Variants in VASH2 observed in about 807,000 individuals in gnomAD.
VASH2 encodes tubulinyl-Tyr carboxypeptidase 2.
Under a neutral mutation model 37.2 loss-of-function variants are expected in VASH2, and 28 were observed. The ratio of observed to expected loss-of-function variants is 0.75; its 90% confidence interval spans 0.56 to 1.03. The LOEUF (loss-of-function observed/expected upper bound fraction) is 1.03, where lower values mean the gene tolerates loss of function less well. Ranked by LOEUF, VASH2 falls within the 50% of genes least tolerant of loss-of-function variation. The pLI is 0.00. For missense variants in VASH2, 419 were observed against 459.1 expected (o/e 0.91, Z 0.80); for synonymous variants, 188 against 174.7 (o/e 1.08, Z -0.60).
chr1:212,963,575 T>C (rs1338377971), intron 3 of VASH2, among the ~76,000 whole-genome samples: 1 of 151,840 alleles, frequency 6.6e-6, no homozygotes, highest in Non-Finnish European at 1.5e-5. Flanking sequence ...AGAGTACTGG[T>C]GTTGCATGGG....
In VASH2 at chr1:212,989,931, C is replaced by G. The variant is rs958431183; in HGVS notation, c.*1347C>G. The G allele has an allele frequency of 2.0e-5, 3 of 152,094 alleles. No homozygotes were observed. The highest frequency in any genetic ancestry group is 7.2e-5 in the African/African-American group (3 of 41,406). 9.4% of individuals were successfully genotyped at this position (152,094 alleles called of 1,614,324 possible). A position where few individuals can be genotyped will look rare whatever the true frequency, so the allele number is the denominator to read the frequency against. ...ACAGCTTCAATTTCATTTGCTTTAT[C>G]TTAGCAACAATGCCAACTCAGGAGA... On this transcript the variant is annotated 3_prime_UTR_variant, in exon 8 of 8. Transcript: ENST00000517399.
chr1:212,951,762 C>T lies in VASH2; in HGVS notation c.220C>T (p.His74Tyr). ...ERMWMHVAKV[H>Y]PKGGEMVGAI... ...CATGTGGATGCACGTGGCCAAGGTG[C>T]ACCCTAAGGGGGGAGAAATGGTGGG... The change falls in exon 2 of 8, where the codon CAC (histidine) becomes TAC (tyrosine). Residue 74 changes from histidine to tyrosine, a missense_variant. Coordinates refer to ENST00000517399, the MANE Select transcript of VASH2 (RefSeq NM_001301056.2). This position sits in a 1 kb window ranked among gnomAD's most constrained non-coding sequence, Gnocchi z 4.4. 1 of 1,608,820 alleles carries T rather than the reference C, an allele frequency of 6.2e-7. No homozygotes were observed.
At chr1:212,965,358 C>T (rs758683498) in intron 3 of VASH2, among the ~76,000 whole-genome samples, 13 of 152,064 alleles carry the variant, frequency 8.5e-5, no homozygotes, top group Non-Finnish European at 1.8e-4. Context: ...CAAGCCTGGG[C>T]AACATAGCAA....
At chr1:212,973,576 T>A (rs1667075376) in intron 6 of VASH2, 14 of 1,264,602 alleles carry the variant, frequency 1.1e-5, no homozygotes, top group Admixed American at 7.5e-5. Flanking sequence ...GATGGGAGCA[T>A]CAGAGGAAGA....
At chr1:212,988,482 C>T (rs369019637) in intron 7 of VASH2, 30 bp from the exon 8 acceptor site, 242 of 1,611,744 alleles carry the variant, frequency 1.5e-4, no homozygotes, top group Middle Eastern at 4.9e-4. Context: ...ATCCCCTCTC[C>T]TCCACCATAT....
At chr1:212,965,632 C>T in intron 3 of VASH2, 90 bp from the exon 4 acceptor site, 9 of 1,237,154 alleles carry the variant, frequency 7.3e-6, no homozygotes, top group Non-Finnish European at 9.2e-6. Context: ...ATCCTCATCT[C>T]ATTGAGAAAT....
At chr1:212,954,182 G>T (rs1666413369) in intron 2 of VASH2, among the ~76,000 whole-genome samples, 2 of 152,088 alleles carry the variant, frequency 1.3e-5, no homozygotes, top group African/African-American at 4.8e-5. Context: ...CAAAGTGGTG[G>T]GATTACAGGT....
chr1:212,972,736 G>A lies in VASH2; in HGVS notation c.654G>A (p.Lys218=), dbSNP rs1361658685. ...GMSRRAELMD[K]PLTFRTLSDL... ...GCCGCAGGGCTGAGCTGATGGACAA[G>A]CCATTGACTTTTCGGACTCTGAGTG... The change falls in exon 6 of 8, where the codon AAG becomes AAA. Residue 218 remains lysine, a synonymous_variant. Coordinates refer to ENST00000517399, the MANE Select transcript of VASH2 (RefSeq NM_001301056.2). 4 of 1,614,118 alleles carry A rather than the reference G, an allele frequency of 2.5e-6. No homozygotes were observed. Among genetic ancestry groups the A allele is most frequent in the African/African-American group, 1.3e-5 (1 of 74,932 alleles).
intron 7 of VASH2, among the ~76,000 whole-genome samples, chr1:212,976,711 A>G (rs2102650579): frequency 6.6e-6 from 1 of 152,240 alleles, no homozygotes; most frequent in East Asian, 1.9e-4. Context: ...CAGCTGTCAG[A>G]GTGCCGCAGC....
In VASH2 at chr1:212,974,040, C is replaced by T. The variant is rs147347763; in HGVS notation, c.965C>T (p.Pro322Leu). ...SLSPRRRQAS[P>L]PRRLGRREKS... ...TCCCCCAGAAGGAGACAGGCAAGCC[C>T]CCCGAGGAGGCTCGGCCGGCGAGAG... Residue 322 changes from proline to leucine, a missense_variant, in exon 7 of 8, where the codon CCC becomes CTC. Coordinates refer to ENST00000517399, the MANE Select transcript of VASH2 (RefSeq NM_001301056.2). 1.9e-6 allele frequency: 3 copies of T among 1,613,610 alleles called. No individual in the cohort carries two copies. Among genetic ancestry groups the T allele is most frequent in the South Asian group, 1.1e-5 (1 of 91,036 alleles).
intron 7 of VASH2, among the ~76,000 whole-genome samples, chr1:212,986,647 CTTTG>C (rs1342904510): frequency 5.3e-5 from 8 of 152,260 alleles, no homozygotes; most frequent in South Asian, 2.1e-4. Context: ...GTAGCAGTGG[CTTTG>C]TTTAAGGGAA....
At chr1:212,979,805 T>C (rs1667287633) in intron 7 of VASH2, among the ~76,000 whole-genome samples, 1 of 152,186 alleles carries the variant, frequency 6.6e-6, no homozygotes, top group Non-Finnish European at 1.5e-5. Flanking sequence ...AAGCACCTAC[T>C]ACACTGAATT....
At chr1:212,952,712 A>G (rs962564226) in intron 2 of VASH2, 4 of 152,200 alleles carry the variant, frequency 2.6e-5, no homozygotes, top group African/African-American at 9.7e-5. Context: ...AGCGTGGCGG[A>G]TGGTTTCCCC....
intron 7 of VASH2, among the ~76,000 whole-genome samples, chr1:212,979,003 A>G (rs1158341427): frequency 6.6e-6 from 1 of 152,062 alleles, no homozygotes; most frequent in Non-Finnish European, 1.5e-5. Flanking sequence ...AGGGCTGGGG[A>G]AGAGATTGCA....
At chr1:212,973,910 G>A in intron 6 of VASH2, 45 bp from the exon 7 acceptor site, 1 of 1,592,736 alleles carries the variant, frequency 6.3e-7, no homozygotes. Context: ...TGAGGGTGGA[G>A]GTCCCTTAGG....
chr1:212,970,542 T>C (rs1666980110), intron 5 of VASH2, among the ~76,000 whole-genome samples: 1 of 152,212 alleles, frequency 6.6e-6, no homozygotes, highest in South Asian at 2.1e-4. Flanking sequence ...ATTTTAACCA[T>C]TTTTAAGTGC....
intron 7 of VASH2, among the ~76,000 whole-genome samples, chr1:212,981,952 C>T (rs938614841): frequency 1.6e-4 from 24 of 152,248 alleles, no homozygotes; most frequent in African/African-American, 5.8e-4. Context: ...CGAGCTCCTC[C>T]TCTGCACTGA....
intron 7 of VASH2, among the ~76,000 whole-genome samples, chr1:212,979,798 CACCTACT>C (rs1457676021): frequency 6.6e-6 from 1 of 152,152 alleles, no homozygotes; most frequent in Admixed American, 6.5e-5. Context: ...GTGTGTAAAG[CACCTACT>C]ACACTGAATT....
intron 7 of VASH2, among the ~76,000 whole-genome samples, chr1:212,979,804 C>A (rs149093250): frequency 6.6e-6 from 1 of 152,186 alleles, no homozygotes. Context: ...AAAGCACCTA[C>A]TACACTGAAT....
Sources: gnomAD v4.1 joint callset for allele counts (sites outside exome capture counted in the v4.1 genomes callset) on GRCh38, gnomAD v4.1.1 for gene constraint, Gnocchi (gnomAD v3.1) non-coding constraint, MANE v1.5 for transcripts, NCBI Gene and HGNC (gene_info 2026-07-23, HGNC 2026-07-21) for gene names.